MEMO1: variants seen among roughly 807,000 people sequenced by gnomAD.
The protein encoded by MEMO1 is mediator of cell motility 1.
In MEMO1, 6 loss-of-function variants were observed where a neutral mutation model predicts 45.2. The observed-to-expected ratio is 0.13, with a 90% CI of 0.07 to 0.26. The LOEUF is 0.26. Ranked by LOEUF, MEMO1 falls within the 10% of genes least tolerant of loss-of-function variation. The pLI is 1.00. For missense variants in MEMO1, 184 were observed against 370.5 expected, an observed-to-expected ratio of 0.50 and a Z score of 4.13; for synonymous variants, 78 against 124.3, an observed-to-expected ratio of 0.63 and a Z score of 2.48.
At chr2:32,001,952 C>A (rs1673370391) in intron 2 of MEMO1, among the ~76,000 whole-genome samples, 1 of 151,698 alleles carries the variant, frequency 6.6e-6, no homozygotes, top group Admixed American at 6.6e-5. Flanking sequence ...TCAAGACCAT[C>A]CTGACCAACA....
intron 2 of MEMO1, among the ~76,000 whole-genome samples, chr2:31,989,896 T>C (rs1218560214): frequency 6.6e-6 from 1 of 152,086 alleles, no homozygotes; most frequent in Non-Finnish European, 1.5e-5. Context: ...GTAGACAAGA[T>C]CACTTGTACC....
At chr2:31,985,173 G>A (rs1042893050) in intron 2 of MEMO1, among the ~76,000 whole-genome samples, 9 of 152,018 alleles carry the variant, frequency 5.9e-5, no homozygotes, top group Non-Finnish European at 1.2e-4. Flanking sequence ...GTAAAACATG[G>A]TCCCCACTGG....
chr2:31,912,788 A>G (rs1300328602), intron 6 of MEMO1, among the ~76,000 whole-genome samples: 1 of 152,180 alleles, frequency 6.6e-6, no homozygotes, highest in Non-Finnish European at 1.5e-5. Context: ...ACTGGCAGTA[A>G]ACACTGGCTG....
At chr2:31,984,022 T>C (rs1457744375) in intron 2 of MEMO1, among the ~76,000 whole-genome samples, 1 of 152,184 alleles carries the variant, frequency 6.6e-6, no homozygotes, top group Admixed American at 6.5e-5. Context: ...CATACGGATA[T>C]AAATAAGTTG....
At chr2:31,899,802 T>C (rs994770161) in intron 6 of MEMO1, among the ~76,000 whole-genome samples, 14 of 152,158 alleles carry the variant, frequency 9.2e-5, no homozygotes, top group Admixed American at 7.9e-4. Flanking sequence ...AGGGCTAATA[T>C]CTAGAATCTA....
At chr2:31,944,805 TTCCACTGCTTGCCATCCA>T (rs1312331284) in intron 2 of MEMO1, among the ~76,000 whole-genome samples, 1 of 152,162 alleles carries the variant, frequency 6.6e-6, no homozygotes, top group Non-Finnish European at 1.5e-5. Flanking sequence ...CCTCATTTCC[TTCCACTGCTTGCCATCCA>T]TTCTTTCTTT....
At chr2:31,978,395 A>T (rs1670254529) in intron 2 of MEMO1, among the ~76,000 whole-genome samples, 1 of 152,224 alleles carries the variant, frequency 6.6e-6, no homozygotes, top group African/African-American at 2.4e-5. Flanking sequence ...CTCAAAAAAA[A>T]TAAAATAAAA....
intron 2 of MEMO1, among the ~76,000 whole-genome samples, chr2:32,006,532 GT>G (rs1415240467): frequency 7.7e-6 from 1 of 129,244 alleles, no homozygotes; most frequent in African/African-American, 3.0e-5. Flanking sequence ...TCATGTTTTT[GT>G]TTGTTTTTTA....
At chr2:31,969,252 A>G (rs1236022025) in intron 2 of MEMO1, among the ~76,000 whole-genome samples, 1 of 151,376 alleles carries the variant, frequency 6.6e-6, no homozygotes, top group African/African-American at 2.4e-5. Context: ...TGATTTAAGC[A>G]GGCTACAAAG....
intron 6 of MEMO1, among the ~76,000 whole-genome samples, chr2:31,912,096 G>T (rs1459324048): frequency 6.6e-6 from 1 of 152,154 alleles, no homozygotes; most frequent in Non-Finnish European, 1.5e-5. Context: ...CACTTTGGGA[G>T]GCCGAGGGCG....
intron 2 of MEMO1, among the ~76,000 whole-genome samples, chr2:32,004,247 G>T (rs1673768568): frequency 6.6e-6 from 1 of 151,310 alleles, no homozygotes; most frequent in Non-Finnish European, 1.5e-5. Context: ...ATTCTAAAAG[G>T]GCAGAAGATA....
Position 32,010,278 on chromosome 2 carries a change from G to C in MEMO1, c.-17-14C>G. On this transcript the variant is annotated splice_polypyrimidine_tract_variant and intron_variant, in intron 1 of 9. Coordinates refer to ENST00000404530, the MANE Select transcript of MEMO1 (RefSeq NM_001301833.4). ...TGCCTGTGCCGCCTATGGTGCACGA[G>C]GATGAATGAGGAGGCGGCGGCGGCG... 1.4e-6 allele frequency: 2 copies of C among 1,401,896 alleles called. No homozygotes were observed. Among genetic ancestry groups the C allele is most frequent in the Non-Finnish European group, 1.9e-6 (2 of 1,035,296 alleles). The allele number at this position is 1,401,896 out of a possible 1,614,324, so 86.8% of individuals were successfully genotyped here.
chr2:31,963,078 C>T (rs1001870969), intron 2 of MEMO1: 5 of 1,368,588 alleles, frequency 3.7e-6, no homozygotes, highest in African/African-American at 1.5e-5. Context: ...ACTGGCTCTT[C>T]CTAAGTCTTG....
intron 2 of MEMO1, among the ~76,000 whole-genome samples, chr2:31,986,872 T>C (rs1558556852): frequency 1.3e-5 from 2 of 152,126 alleles, no homozygotes; most frequent in South Asian, 2.1e-4. Context: ...ACTAAATTGT[T>C]ATTTGAAGGA....
chr2:31,918,554 C>T (rs1382716593), intron 5 of MEMO1, among the ~76,000 whole-genome samples: 1 of 152,036 alleles, frequency 6.6e-6, no homozygotes, highest in Non-Finnish European at 1.5e-5. Flanking sequence ...AGGTTTCTGC[C>T]ATACCAAGAA....
chr2:31,890,350 C>T (rs1298165196), intron 7 of MEMO1, among the ~76,000 whole-genome samples: 1 of 152,098 alleles, frequency 6.6e-6, no homozygotes, highest in Non-Finnish European at 1.5e-5. Flanking sequence ...ATTTTCAAAA[C>T]ATACAGACAT....
At chr2:31,889,477 G>A (rs929847613) in intron 7 of MEMO1, among the ~76,000 whole-genome samples, 1 of 152,034 alleles carries the variant, frequency 6.6e-6, no homozygotes, top group African/African-American at 2.4e-5. Context: ...CTGAATTTTT[G>A]AGATGATAAT....
At chr2:31,958,481 C>T (rs1223980367) in intron 2 of MEMO1, among the ~76,000 whole-genome samples, 1 of 151,966 alleles carries the variant, frequency 6.6e-6, no homozygotes, top group East Asian at 2.0e-4. Context: ...TCTACAATGC[C>T]ATGGCACCTT....
intron 8 of MEMO1, among the ~76,000 whole-genome samples, chr2:31,877,843 G>A (rs1674779853): frequency 6.6e-6 from 1 of 151,996 alleles, no homozygotes; most frequent in South Asian, 2.1e-4. Flanking sequence ...ACATGTTACA[G>A]TTAGGAAAGT....
Sources: gnomAD v4.1 joint callset for allele counts (sites outside exome capture counted in the v4.1 genomes callset) on GRCh38, gnomAD v4.1.1 for gene constraint, MANE v1.5 for transcripts, NCBI Gene and HGNC (gene_info 2026-07-23, HGNC 2026-07-21) for gene names.